The following RIPOR2 variants were observed in gnomAD, a reference collection of about 807,000 sequenced individuals.
RIPOR2 encodes rho family-interacting cell polarization regulator 2.
In RIPOR2, 39 loss-of-function variants were observed where a neutral mutation model predicts 114.5. That is an observed-to-expected ratio of 0.34 (90% CI 0.26 to 0.44). The LOEUF (loss-of-function observed/expected upper bound fraction) is 0.44. Among genes scored for constraint, RIPOR2 ranks in the 20% least tolerant of loss-of-function variants. The pLI is 1.00. For missense variants in RIPOR2, 1,007 were observed against 1,255.1 expected (o/e 0.80, Z 2.99); for synonymous variants, 445 against 484.4 (o/e 0.92, Z 1.07).
rs60179438 is a variant in RIPOR2 at position 24,974,399 on chromosome 6, C to CAAACAAAAAAA, written c.76+67451_76+67452insTTTTTTTGTTT. ...ACCAAAAAACAAACAAACAAAAAAACCCAATTGAAATTATAAAATATGTTC... is the reference window on the plus strand; with the variant it reads ...ACCAAAAAACAAACAAACAAAAAAACAAACAAAAAAACCAATTGAAATTATAAAATATGTTC... On this transcript the variant is annotated intron_variant, in intron 1 of 13. Transcript: ENST00000510784. Among the ~76,000 whole-genome samples the CAAACAAAAAAA allele has an allele frequency of 7.5e-3, 1,134 of 152,094 alleles. 10 individuals carry two copies. The highest frequency in any genetic ancestry group is 0.024 in the African/African-American group (983 of 41,452).
chr6:24,915,510 A>AC (rs1055899370), intron 1 of RIPOR2, among the ~76,000 whole-genome samples: 11 of 151,890 alleles, frequency 7.2e-5, no homozygotes, highest in Admixed American at 7.2e-4. Context: ...GATTACAGGC[A>AC]CCCGCCACCA....
intron 1 of RIPOR2, among the ~76,000 whole-genome samples, chr6:24,911,576 G>A (rs1325272949): frequency 6.6e-6 from 1 of 152,144 alleles, no homozygotes; most frequent in Admixed American, 6.5e-5. Context: ...TCTCTCTACC[G>A]GGGCTGCTTT....
intron 1 of RIPOR2, among the ~76,000 whole-genome samples, chr6:24,887,535 T>C (rs1766945611): frequency 6.6e-6 from 1 of 152,220 alleles, no homozygotes; most frequent in Non-Finnish European, 1.5e-5. Context: ...TTTTATCAAA[T>C]GGAATGTGCT....
At chr6:25,026,540 C>T (rs959900334) in intron 1 of RIPOR2, among the ~76,000 whole-genome samples, 2 of 152,112 alleles carry the variant, frequency 1.3e-5, no homozygotes, top group African/African-American at 4.8e-5. Context: ...GACAAGAAGC[C>T]TGAGAATTTC....
chr6:24,920,463 C>T (rs947525303), intron 1 of RIPOR2, among the ~76,000 whole-genome samples: 60 of 152,154 alleles, frequency 3.9e-4, no homozygotes, highest in African/African-American at 1.4e-3. Flanking sequence ...AGCCCTTTCC[C>T]TCTGATCTTT....
At chr6:24,959,757 C>T (rs576155798) in intron 1 of RIPOR2, among the ~76,000 whole-genome samples, 12 of 152,256 alleles carry the variant, frequency 7.9e-5, no homozygotes, top group South Asian at 2.1e-4. Context: ...AACCAACTGC[C>T]GGCATGTCCT....
At chr6:24,840,366 C>G in intron 13 of RIPOR2, 1 of 1,131,414 alleles carries the variant, frequency 8.8e-7, no homozygotes, top group South Asian at 2.2e-5. Context: ...CTTCCCTGAC[C>G]AGGCCCTGGC....
chr6:24,843,519 C>T lies in RIPOR2; in HGVS notation c.1200G>A (p.Lys400=), dbSNP rs1761949350. The change falls in exon 13 of 22, where the codon AAG becomes AAA. Residue 400 remains lysine, a synonymous_variant. Coordinates refer to ENST00000643898, the MANE Select transcript of RIPOR2 (RefSeq NM_001286445.3). The part of the protein sequence containing the change: ...NLPDDIFENG[K]AAEEKMPLSL... ...ACAGTGGCATTTTCTCCTCGGCTGC[C>T]TTTCCATTTTCAAAGATGTCATCAG... 6.5e-7 allele frequency: 1 copy of T among 1,531,226 alleles called. No individual in the cohort carries two copies. The highest frequency in any genetic ancestry group is 8.8e-7 in the Non-Finnish European group (1 of 1,138,340). 94.9% of individuals were successfully genotyped at this position (1,531,226 alleles called of 1,614,324 possible).
In RIPOR2 at chr6:25,019,822, A is replaced by G. The variant is rs574881748; in HGVS notation, c.76+22029T>C. Among the ~76,000 whole-genome samples the G allele has an allele frequency of 1.6e-3, 239 of 150,938 alleles. 1 individual carries two copies. The highest frequency in any genetic ancestry group is 3.7e-3 in the South Asian group (18 of 4,812). The stretch of plus-strand genomic sequence containing the variant: ...AAGAAAAGAAAGAAAGAAAAAGAAA[A>G]AAGAAAAAGATGTCAATAAGTATGA... On this transcript the variant is annotated intron_variant, in intron 1 of 13. Transcript: ENST00000510784.
At chr6:24,975,093 A>G (rs1179775845) in intron 1 of RIPOR2, among the ~76,000 whole-genome samples, 1 of 152,214 alleles carries the variant, frequency 6.6e-6, no homozygotes, top group Non-Finnish European at 1.5e-5. Context: ...AGCTCTGTGA[A>G]TATACTAAAA....
chr6:24,971,084 A>C (rs1032625987), intron 1 of RIPOR2, among the ~76,000 whole-genome samples: 2 of 152,204 alleles, frequency 1.3e-5, no homozygotes, highest in Non-Finnish European at 2.9e-5. Flanking sequence ...ACAAGGTATT[A>C]AAAGTGGACT....
At chr6:24,964,203 C>T (rs186240845) in intron 1 of RIPOR2, among the ~76,000 whole-genome samples, 198 of 148,686 alleles carry the variant, frequency 1.3e-3, no homozygotes, top group African/African-American at 4.8e-3. Context: ...TCACCAGATG[C>T]GTAGGTCCCT....
At chr6:24,985,230 G>A (rs60753079) in intron 1 of RIPOR2, among the ~76,000 whole-genome samples, 2,312 of 152,238 alleles carry the variant, frequency 0.015, 25 homozygotes, top group African/African-American at 0.027. Flanking sequence ...ATTTTGGTGG[G>A]AGAAAAGGGG....
intron 1 of RIPOR2, among the ~76,000 whole-genome samples, chr6:24,990,318 T>C (rs1193269218): frequency 2.0e-5 from 3 of 152,228 alleles, no homozygotes; most frequent in African/African-American, 7.2e-5. Flanking sequence ...TGCAAAAACA[T>C]CATTGATAGT....
At chr6:24,833,954 C>T (rs1760889916) in intron 15 of RIPOR2, among the ~76,000 whole-genome samples, 1 of 144,430 alleles carries the variant, frequency 6.9e-6, no homozygotes, top group South Asian at 2.1e-4. Flanking sequence ...AGCTATTATT[C>T]TCTAAAAGAG....
intron 6 of RIPOR2, among the ~76,000 whole-genome samples, chr6:24,866,768 C>T (rs111559635): frequency 7.2e-5 from 11 of 152,210 alleles, no homozygotes; most frequent in African/African-American, 2.4e-4. Context: ...ACAACAATAC[C>T]ATCAGGCATT....
chr6:25,015,896 G>GTTTTTTTTTTTTTTTTTTT lies in RIPOR2; in HGVS notation c.76+25936_76+25954dup, dbSNP rs869301317. ...TCCCCTTAAAAACGCAGGTTTTTTG[G>GTTTTTTTTTTTTTTTTTTT]TTTTTTTTTTTTTTTTTTTTTTTTT... On this transcript the variant is annotated intron_variant, in intron 1 of 13. Coordinates refer to the RIPOR2 transcript ENST00000510784. 5.9e-4 allele frequency: 27 copies of GTTTTTTTTTTTTTTTTTTT among 45,864 alleles called. 9 individuals carry two copies. The highest frequency in any genetic ancestry group is 9.9e-4 in the Admixed American group (3 of 3,038). The allele number at this position is 45,864 out of a possible 1,614,324, so 2.8% of individuals were successfully genotyped here.
intron 1 of RIPOR2, among the ~76,000 whole-genome samples, chr6:24,977,368 T>G (rs1774110834): frequency 6.6e-6 from 1 of 151,758 alleles, no homozygotes; most frequent in Non-Finnish European, 1.5e-5. Context: ...CAGGACTATG[T>G]GTCCCCCCTT....
upstream of RIPOR2, chr6:25,042,150 C>T (rs1450828142): frequency 1.5e-5 from 7 of 457,106 alleles, no homozygotes; most frequent in Non-Finnish European, 2.7e-5. Context: ...CCGACTGGCC[C>T]GAAGGCAGCT....
Sources: allele counts gnomAD v4.1 joint callset (sites outside exome capture counted in the v4.1 genomes callset), GRCh38; gene constraint gnomAD v4.1.1; transcripts MANE v1.5; gene names NCBI Gene and HGNC (gene_info 2026-07-23, HGNC 2026-07-21).